Variants in CAV1 observed in about 807,000 individuals in gnomAD.
The protein encoded by CAV1 is caveolin 1.
A neutral mutation model predicts 16.5 loss-of-function variants in CAV1; 10 were observed. The ratio of observed to expected loss-of-function variants is 0.61; its 90% confidence interval spans 0.37 to 1.03. CAV1 has a LOEUF of 1.03. Ranked by LOEUF, CAV1 falls within the 50% of genes least tolerant of loss-of-function variation. The pLI is 0.01. For synonymous variants in CAV1, 76 were observed against 85.1 expected (o/e 0.89, Z 0.59); for missense variants, 212 against 232.8 (o/e 0.91, Z 0.58).
chr7:116,526,401 T>G (rs1793560103), intron 1 of CAV1, 124 bp from the exon 2 acceptor site: 1 of 1,548,548 alleles, frequency 6.5e-7, no homozygotes, highest in African/African-American at 1.4e-5. Context: ...TAGTTCGATT[T>G]CGAGCTCGAG....
chr7:116,526,538 C>G lies in CAV1; in HGVS notation c.44C>G (p.Thr15Ser). 1.9e-6 allele frequency: 3 copies of G among 1,614,142 alleles called. No homozygotes were observed. The African/African-American group carries it at 4.0e-5, about 22-fold the overall frequency. ...CGCCCTCTGCAGGGACATCTCTACACCGTTCCCATCCGGGAACAGGGCAAC... is the reference window on the plus strand; with the variant it reads ...CGCCCTCTGCAGGGACATCTCTACAGCGTTCCCATCCGGGAACAGGGCAAC... The part of the protein sequence containing the change: ...KYVDSEGHLY[T>S]VPIREQGNIY... Residue 15 changes from threonine to serine, a missense_variant, in exon 2 of 3, where the codon ACC becomes AGC. By Grantham distance (58) the Thr-to-Ser change is moderately conservative. Transcript: ENST00000341049.
At chr7:116,548,248 A>T (rs952968795) in intron 2 of CAV1, among the ~76,000 whole-genome samples, 1 of 152,194 alleles carries the variant, frequency 6.6e-6, no homozygotes, top group Non-Finnish European at 1.5e-5. Context: ...AAGTATACTA[A>T]TGTATGGGAA....
intron 1 of CAV1, chr7:116,526,140 G>A: frequency 3.0e-6 from 1 of 336,518 alleles, no homozygotes; most frequent in Non-Finnish European, 4.3e-6. Context: ...GAGTCCGGGA[G>A]AAGCCTGCGG....
At chr7:116,529,176 T>C in intron 2 of CAV1, among the ~76,000 whole-genome samples, 1 of 152,142 alleles carries the variant, frequency 6.6e-6, no homozygotes, top group East Asian at 1.9e-4. Flanking sequence ...TTTTGGGTGC[T>C]TCTTAAAAGC....
chr7:116,545,160 C>G (rs1307456022), intron 2 of CAV1, among the ~76,000 whole-genome samples: 1 of 152,126 alleles, frequency 6.6e-6, no homozygotes, highest in Non-Finnish European at 1.5e-5. Context: ...TCTTCCCTTC[C>G]AGGGGATATT....
chr7:116,538,317 C>G (rs908848663), intron 2 of CAV1, among the ~76,000 whole-genome samples: 1 of 152,170 alleles, frequency 6.6e-6, no homozygotes, highest in African/African-American at 2.4e-5. Flanking sequence ...AAGGAAGAAG[C>G]AGATTTAATA....
chr7:116,558,631 T>C (rs1011093501), intron 2 of CAV1, among the ~76,000 whole-genome samples: 1 of 150,142 alleles, frequency 6.7e-6, no homozygotes, highest in African/African-American at 2.4e-5. Flanking sequence ...CATGAACCTG[T>C]GGTCCCAGCT....
intron 2 of CAV1, among the ~76,000 whole-genome samples, chr7:116,545,793 C>A (rs1165919584): frequency 6.6e-6 from 1 of 152,146 alleles, no homozygotes; most frequent in Non-Finnish European, 1.5e-5. Flanking sequence ...AAAGAAAGAG[C>A]TTTTATTTTC....
intron 2 of CAV1, among the ~76,000 whole-genome samples, chr7:116,532,449 A>G (rs144426390): frequency 1.9e-3 from 295 of 152,348 alleles, no homozygotes; most frequent in Non-Finnish European, 3.0e-3. Flanking sequence ...TGGACCTTCC[A>G]TAATCCCCCT....
At chr7:116,541,986 A>G (rs1793950581) in intron 2 of CAV1, among the ~76,000 whole-genome samples, 1 of 152,186 alleles carries the variant, frequency 6.6e-6, no homozygotes, top group African/African-American at 2.4e-5. Context: ...ACATATGAAC[A>G]CTTTCCCCTA....
At chr7:116,525,303 C>A in intron 1 of CAV1, 1 of 1,553,470 alleles carries the variant, frequency 6.4e-7, no homozygotes, top group East Asian at 2.4e-5. Flanking sequence ...GGAGAGGGGG[C>A]CTAGGGAGCC....
intron 2 of CAV1, among the ~76,000 whole-genome samples, chr7:116,547,143 A>G (rs751540571): frequency 6.6e-6 from 1 of 152,178 alleles, no homozygotes; most frequent in African/African-American, 2.4e-5. Context: ...GTATGACCTC[A>G]TCTTCACTAA....
intron 2 of CAV1, among the ~76,000 whole-genome samples, chr7:116,557,862 G>A (rs918534941): frequency 4.6e-5 from 7 of 152,184 alleles, no homozygotes; most frequent in Admixed American, 4.6e-4. Flanking sequence ...TGCATCGATT[G>A]TGGCTACACT....
chr7:116,525,465 TG>T (rs1192715868), intron 1 of CAV1: 18 of 1,347,530 alleles, frequency 1.3e-5, no homozygotes, highest in South Asian at 1.2e-4. Flanking sequence ...AGAGGTGGAG[TG>T]CAGGGTGGAG....
intron 2 of CAV1, among the ~76,000 whole-genome samples, chr7:116,553,683 G>A (rs1794207794): frequency 6.6e-6 from 1 of 152,116 alleles, no homozygotes; most frequent in African/African-American, 2.4e-5. Context: ...CATATTCTAA[G>A]TGAGCACATA....
At chr7:116,547,512 G>A (rs909588711) in intron 2 of CAV1, among the ~76,000 whole-genome samples, 22 of 152,114 alleles carry the variant, frequency 1.4e-4, no homozygotes. Context: ...TCATCAGCTG[G>A]GGCATCATCT....
intron 2 of CAV1, among the ~76,000 whole-genome samples, chr7:116,536,825 A>T (rs1385172089): frequency 6.6e-6 from 1 of 151,700 alleles, no homozygotes; most frequent in Non-Finnish European, 1.5e-5. Context: ...AACAAGGTGA[A>T]ACCCCGTCTC....
intron 2 of CAV1, among the ~76,000 whole-genome samples, chr7:116,531,833 G>A (rs1182085795): frequency 1.3e-5 from 2 of 152,178 alleles, no homozygotes. Flanking sequence ...ATTCTACCAT[G>A]TATGAAGTCA....
At chr7:116,555,491 A>G (rs1339912433) in intron 2 of CAV1, among the ~76,000 whole-genome samples, 910 of 4,888 alleles carry the variant, frequency 0.19, 145 homozygotes, top group East Asian at 0.39. Context: ...AAGAAAAGAA[A>G]GAAAGAAAGA....
Sources: gnomAD v4.1 joint callset for allele counts (sites outside exome capture counted in the v4.1 genomes callset) on GRCh38, gnomAD v4.1.1 for gene constraint, MANE v1.5 for transcripts, NCBI Gene and HGNC (gene_info 2026-07-23, HGNC 2026-07-21) for gene names.